Variants in PNLIPRP3 observed in about 807,000 individuals in gnomAD.
PNLIPRP3 encodes the protein pancreatic lipase related protein 3.
A neutral mutation model predicts 52.8 loss-of-function variants in PNLIPRP3; 58 were observed. That is an observed-to-expected ratio of 1.10 (90% CI 0.89 to 1.37). The LOEUF (loss-of-function observed/expected upper bound fraction) is 1.37, where lower values mean the gene tolerates loss of function less well. PNLIPRP3 is among the 40% of genes most tolerant of loss of function. PNLIPRP3 has a pLI of 0.00. For missense variants in PNLIPRP3, 593 were observed against 561.6 expected, an observed-to-expected ratio of 1.06 and a Z score of -0.57; for synonymous variants, 192 against 185.0, an observed-to-expected ratio of 1.04 and a Z score of -0.31.
At position 116,455,774 on chromosome 10, in the gene PNLIPRP3, G is replaced by A. The variant is rs767426353; in HGVS notation, c.509G>A (p.Gly170Glu). ...SKVHLIGHSL[G>E]AHLAGEAGSR... ...GTGCACTTGATTGGCCACAGCTTGG[G>A]AGCACACCTGGCTGGGGAAGCTGGG... is the stretch of plus-strand genomic sequence containing the variant. The change falls in exon 5 of 12, where the codon GGA (glycine) becomes GAA (glutamate). Residue 170 changes from glycine (G) to glutamate (E), a missense_variant. Gly to Glu is a moderately conservative substitution (Grantham distance 98). Transcript: ENST00000369230. 6 of 1,613,812 alleles carry A rather than the reference G, an allele frequency of 3.7e-6. No individual in the cohort carries two copies. The highest frequency in any genetic ancestry group is 2.7e-5 in the African/African-American group (2 of 74,856).
At chr10:116,458,910 G>T (rs892388976) in intron 5 of PNLIPRP3, among the ~76,000 whole-genome samples, 3 of 152,002 alleles carry the variant, frequency 2.0e-5, no homozygotes, top group African/African-American at 7.2e-5. Flanking sequence ...TTTCCTTAGG[G>T]TTCATTCTCT....
chr10:116,476,526 A>C (rs1846468771), intron 10 of PNLIPRP3, 126 bp from the exon 11 acceptor site: 4 of 692,748 alleles, frequency 5.8e-6, no homozygotes, highest in Non-Finnish European at 9.0e-6. Flanking sequence ...GGAAAGAATA[A>C]ATCTCCTACA....
intron 1 of PNLIPRP3, among the ~76,000 whole-genome samples, chr10:116,429,808 G>A (rs568671973): frequency 6.6e-5 from 10 of 152,138 alleles, no homozygotes; most frequent in Non-Finnish European, 1.3e-4. Flanking sequence ...AGTGACTGCA[G>A]GTAGAGAAGG....
chr10:116,447,734 G>C (rs948215807), intron 4 of PNLIPRP3, among the ~76,000 whole-genome samples: 16 of 152,108 alleles, frequency 1.1e-4, no homozygotes, highest in Non-Finnish European at 2.9e-5. Flanking sequence ...TCAGGAAGTC[G>C]AGACCAACCT....
intron 4 of PNLIPRP3, among the ~76,000 whole-genome samples, chr10:116,452,603 A>G (rs1846054826): frequency 6.6e-6 from 1 of 152,168 alleles, no homozygotes; most frequent in South Asian, 2.1e-4. Flanking sequence ...TGCCCTGCTC[A>G]GCCTTCAGGA....
At chr10:116,452,268 T>A (rs1022059313) in intron 4 of PNLIPRP3, among the ~76,000 whole-genome samples, 6 of 152,224 alleles carry the variant, frequency 3.9e-5, no homozygotes, top group African/African-American at 1.4e-4. Context: ...CAATCTACAA[T>A]CAGATATGGG....
chr10:116,467,404 A>AAAAT (rs894499187), intron 8 of PNLIPRP3, among the ~76,000 whole-genome samples: 15 of 152,256 alleles, frequency 9.9e-5, no homozygotes, highest in South Asian at 2.1e-4. Flanking sequence ...TCCATCTCAA[A>AAAAT]AAATAAATAA....
intron 9 of PNLIPRP3, among the ~76,000 whole-genome samples, chr10:116,471,309 C>G (rs1458152741): frequency 6.6e-6 from 1 of 152,158 alleles, no homozygotes; most frequent in Non-Finnish European, 1.5e-5. Flanking sequence ...GAATGACTCA[C>G]TTTGCCTCTA....
chr10:116,443,256 A>G (rs1845884571), intron 3 of PNLIPRP3, 82 bp downstream of exon 3: 2 of 1,341,166 alleles, frequency 1.5e-6, no homozygotes, highest in African/African-American at 3.0e-5. Flanking sequence ...GTATTGATGT[A>G]TATTCATGGA....
chr10:116,457,482 G>A (rs1846133076), intron 5 of PNLIPRP3, among the ~76,000 whole-genome samples: 1 of 152,104 alleles, frequency 6.6e-6, no homozygotes, highest in African/African-American at 2.4e-5. Flanking sequence ...TCTGCAATCT[G>A]TTGATATAAC....
chr10:116,467,468 A>C (rs893288971), intron 8 of PNLIPRP3, among the ~76,000 whole-genome samples: 4 of 152,200 alleles, frequency 2.6e-5, no homozygotes, highest in African/African-American at 9.7e-5. Flanking sequence ...TGGTTTATTA[A>C]ATTAAAAGTT....
intron 1 of PNLIPRP3, among the ~76,000 whole-genome samples, chr10:116,430,236 T>C (rs1347959840): frequency 6.6e-6 from 1 of 152,154 alleles, no homozygotes; most frequent in Non-Finnish European, 1.5e-5. Context: ...CTTCTCTTTG[T>C]TTCTGGTTTC....
At chr10:116,439,912 C>G (rs921544861) in intron 2 of PNLIPRP3, 2 of 858,714 alleles carry the variant, frequency 2.3e-6, no homozygotes, top group East Asian at 2.4e-5. Flanking sequence ...CCTCTCAGAG[C>G]GCTTCTTGGA....
chr10:116,457,800 A>G (rs915453462), intron 5 of PNLIPRP3, among the ~76,000 whole-genome samples: 2 of 152,184 alleles, frequency 1.3e-5, no homozygotes, highest in African/African-American at 4.8e-5. Flanking sequence ...TTTTGTTTTT[A>G]TTAAGTTTTT....
rs140326463 is a variant in PNLIPRP3, at chr10:116,452,260, A to G, written c.457-3462A>G. Among the ~76,000 whole-genome samples the G allele has an allele frequency of 2.7e-4, 41 of 152,358 alleles. 1 individual carries two copies. Among genetic ancestry groups the G allele is most frequent in the African/African-American group, 9.4e-4 (39 of 41,586 alleles). On this transcript the variant is annotated intron_variant, in intron 4 of 11. Transcript: ENST00000369230. ...AGATATGACCTGGCTGCTTCTAACA[A>G]TCTACAATCAGATATGGGAGCAAAT...
intron 1 of PNLIPRP3, among the ~76,000 whole-genome samples, chr10:116,433,249 A>T (rs78034039): frequency 1.3e-5 from 2 of 152,012 alleles, no homozygotes; most frequent in African/African-American, 4.8e-5. Flanking sequence ...TCTAAATGAC[A>T]AAAGTAAAGT....
chr10:116,464,396 T>C (rs144570682), intron 7 of PNLIPRP3, among the ~76,000 whole-genome samples: 45 of 152,352 alleles, frequency 3.0e-4, no homozygotes, highest in African/African-American at 1.1e-3. Context: ...CTGCAGTGCC[T>C]CTGCTTGAGT....
At chr10:116,436,483 A>C (rs1322349756) in intron 1 of PNLIPRP3, among the ~76,000 whole-genome samples, 1 of 152,206 alleles carries the variant, frequency 6.6e-6, no homozygotes, top group Admixed American at 6.5e-5. Flanking sequence ...ACGAAATAAA[A>C]TAAATAAACA....
intron 2 of PNLIPRP3, among the ~76,000 whole-genome samples, chr10:116,437,155 T>C (rs1274924967): frequency 1.7e-5 from 2 of 116,612 alleles, no homozygotes; most frequent in Non-Finnish European, 3.5e-5. Flanking sequence ...TCTGTAAGAC[T>C]GAATAAGCAA....
Sources: allele counts gnomAD v4.1 joint callset (sites outside exome capture counted in the v4.1 genomes callset), GRCh38; gene constraint gnomAD v4.1.1; transcripts MANE v1.5; gene names NCBI Gene and HGNC (gene_info 2026-07-23, HGNC 2026-07-21).